Variants in TSPAN9 observed in about 807,000 individuals in gnomAD.
The protein encoded by TSPAN9 is tetraspanin-9.
TSPAN9 carries 16 observed loss-of-function variants against 31.0 expected under a neutral mutation model. The ratio of observed to expected loss-of-function variants is 0.52; its 90% CI spans 0.35 to 0.78. The LOEUF (loss-of-function observed/expected upper bound fraction) is 0.78, where lower values mean the gene tolerates loss of function less well. TSPAN9 is among the 30% of genes least tolerant of loss of function. The pLI is 0.01. For synonymous variants in TSPAN9, 145 were observed against 121.6 expected, an observed-to-expected ratio of 1.19 and a Z score of -1.27; for missense variants, 272 against 312.5, an observed-to-expected ratio of 0.87 and a Z score of 0.98.
chr12:3,157,929 C>A (rs541666303), intron 2 of TSPAN9, among the ~76,000 whole-genome samples: 1 of 152,212 alleles, frequency 6.6e-6, no homozygotes, highest in Non-Finnish European at 1.5e-5. Flanking sequence ...TGAGCGAAAA[C>A]GCACCCGGGC....
Position 3,187,283 on chromosome 12 carries a change from C to T in TSPAN9, c.-17-13894C>T, listed in dbSNP as rs1453836159. 6.6e-6 allele frequency among the ~76,000 whole-genome samples: 1 copy of T among 152,132 alleles called. No individual in the cohort carries two copies. The highest frequency in any genetic ancestry group is 1.5e-5 in the Non-Finnish European group (1 of 68,016). On this transcript the variant is annotated intron_variant, in intron 2 of 8. Transcript: ENST00000011898. This position sits in a 1 kb window ranked among gnomAD's most constrained non-coding sequence, Gnocchi z 5.2. ...TTTTCCAGGATTGGCAGGGCTTGTC[C>T]TTTGGTGTTGTGATGTGGGGCGTCT...
At chr12:3,112,272 G>T (rs1405123340) in intron 2 of TSPAN9, among the ~76,000 whole-genome samples, 1 of 150,932 alleles carries the variant, frequency 6.6e-6, no homozygotes, top group African/African-American at 2.4e-5. Flanking sequence ...TGCCTCCTGG[G>T]TTCAAGCAAT....
intron 2 of TSPAN9, among the ~76,000 whole-genome samples, chr12:3,154,201 C>T (rs1204781693): frequency 2.0e-5 from 3 of 152,164 alleles, no homozygotes; most frequent in Non-Finnish European, 2.9e-5. Context: ...TGCCTGAGAG[C>T]AGCCACAGGG....
At chr12:3,208,553 A>T (rs1179486948) in intron 3 of TSPAN9, among the ~76,000 whole-genome samples, 1 of 152,176 alleles carries the variant, frequency 6.6e-6, no homozygotes, top group African/African-American at 2.4e-5. Flanking sequence ...CCTTTGGTGG[A>T]TGTTGGATTC....
chr12:3,137,935 C>G (rs1159981095), intron 2 of TSPAN9, among the ~76,000 whole-genome samples: 1 of 152,196 alleles, frequency 6.6e-6, no homozygotes, highest in African/African-American at 2.4e-5. Flanking sequence ...TTTCCTTAAA[C>G]AGGGGCTGCT....
chr12:3,212,305 T>C (rs547716444), intron 3 of TSPAN9, among the ~76,000 whole-genome samples: 1 of 152,226 alleles, frequency 6.6e-6, no homozygotes, highest in Non-Finnish European at 1.5e-5. Flanking sequence ...ATGAATAGTA[T>C]TCTACTTATC....
At chr12:3,263,385 T>A (rs914031652) in intron 3 of TSPAN9, among the ~76,000 whole-genome samples, 3 of 152,224 alleles carry the variant, frequency 2.0e-5, no homozygotes, top group African/African-American at 7.2e-5. Context: ...TCTAAAGGCT[T>A]ACCTGTCTGT....
intron 2 of TSPAN9, among the ~76,000 whole-genome samples, chr12:3,176,069 C>G (rs1355352779): frequency 6.6e-6 from 1 of 152,232 alleles, no homozygotes; most frequent in Non-Finnish European, 1.5e-5. Flanking sequence ...TGTGGGTGCT[C>G]CCTACCTGAA....
intron 2 of TSPAN9, among the ~76,000 whole-genome samples, chr12:3,116,482 A>G (rs2098322494): frequency 1.3e-5 from 2 of 152,192 alleles, no homozygotes; most frequent in Admixed American, 1.3e-4. Context: ...AGCACTTAGA[A>G]TAAACGATAC....
chr12:3,135,656 G>C (rs964869204), intron 2 of TSPAN9, among the ~76,000 whole-genome samples: 3 of 152,084 alleles, frequency 2.0e-5, no homozygotes, highest in Non-Finnish European at 4.4e-5. Context: ...ATGGCAGCAG[G>C]AAACCTATCA....
chr12:3,268,464 CTGTG>C, intron 3 of TSPAN9, among the ~76,000 whole-genome samples: 5 of 145,648 alleles, frequency 3.4e-5, no homozygotes, highest in African/African-American at 1.3e-4. Context: ...AGCCTGCCCT[CTGTG>C]CGTTCCTGCA....
At chr12:3,134,693 G>A (rs767128361) in intron 2 of TSPAN9, among the ~76,000 whole-genome samples, 6 of 152,134 alleles carry the variant, frequency 3.9e-5, no homozygotes, top group Admixed American at 2.6e-4. Context: ...GACAGAAGGC[G>A]GGAAGCATTT....
At chr12:3,209,959 A>C (rs113547716) in intron 3 of TSPAN9, among the ~76,000 whole-genome samples, 1,919 of 39,460 alleles carry the variant, frequency 0.049, 8 homozygotes, top group Middle Eastern at 0.088. Flanking sequence ...ACTCTGTCCC[A>C]AAAAAAAAAA....
At chr12:3,175,195 CT>C (rs1344199056) in intron 2 of TSPAN9, among the ~76,000 whole-genome samples, 31 of 152,296 alleles carry the variant, frequency 2.0e-4, no homozygotes, top group African/African-American at 7.0e-4. Flanking sequence ...GGGGTGAGAC[CT>C]GGCAAGCAGG....
chr12:3,226,367 G>A (rs1001544230), intron 3 of TSPAN9, among the ~76,000 whole-genome samples: 4 of 151,960 alleles, frequency 2.6e-5, no homozygotes, highest in African/African-American at 7.3e-5. Context: ...GGAATGATCC[G>A]CTCTTGAAAG....
At chr12:3,269,391 C>T (rs4990114) in intron 3 of TSPAN9, among the ~76,000 whole-genome samples, 309 of 19,500 alleles carry the variant, frequency 0.016, 6 homozygotes, top group Middle Eastern at 0.036. Flanking sequence ...GCCCTCCGTG[C>T]GTTCCTGCAG....
intron 3 of TSPAN9, among the ~76,000 whole-genome samples, chr12:3,267,994 G>C (rs555115212): frequency 6.6e-6 from 1 of 152,340 alleles, no homozygotes; most frequent in Non-Finnish European, 1.5e-5. Flanking sequence ...GAAAAGGCAT[G>C]TCGAAGGGTC....
At chr12:3,129,076 A>G (rs993657755) in intron 2 of TSPAN9, among the ~76,000 whole-genome samples, 3 of 152,320 alleles carry the variant, frequency 2.0e-5, no homozygotes, top group Middle Eastern at 3.4e-3. Context: ...AGGTTCATCC[A>G]TGCTGTAGCC....
At chr12:3,175,914 A>C (rs1416365315) in intron 2 of TSPAN9, among the ~76,000 whole-genome samples, 3 of 152,190 alleles carry the variant, frequency 2.0e-5, no homozygotes, top group Non-Finnish European at 4.4e-5. Flanking sequence ...GGCACACTGC[A>C]TATTAAACAG....
Sources: allele counts gnomAD v4.1 joint callset (sites outside exome capture counted in the v4.1 genomes callset), GRCh38; gene constraint gnomAD v4.1.1; non-coding constraint Gnocchi (gnomAD v3.1); transcripts MANE v1.5; gene names NCBI Gene and HGNC (gene_info 2026-07-23, HGNC 2026-07-21).